Variants in SDC1 observed in about 807,000 individuals in gnomAD.
SDC1 encodes the protein syndecan-1.
Under a neutral mutation model 29.7 loss-of-function variants are expected in SDC1, and 14 were observed. The ratio of observed to expected loss-of-function variants is 0.47; its 90% confidence interval spans 0.31 to 0.74. The LOEUF is 0.74. SDC1 is among the 30% of genes least tolerant of loss of function. The pLI, the probability that SDC1 is intolerant of heterozygous loss-of-function variation, is 0.05. For synonymous variants in SDC1, 204 were observed against 175.5 expected (o/e 1.16, Z -1.29); for missense variants, 406 against 400.3 (o/e 1.01, Z -0.12).
chr2:20,203,509 G>A lies in SDC1; in HGVS notation c.628-287C>T, dbSNP rs534096328. Among the ~76,000 whole-genome samples the A allele has an allele frequency of 3.3e-5, 5 of 152,228 alleles. No individual in the cohort carries two copies. The East Asian group carries it at 5.8e-4, about 18-fold the overall frequency. On this transcript the variant is annotated intron_variant, in intron 3 of 4. Coordinates refer to ENST00000254351, the MANE Select transcript of SDC1 (RefSeq NM_002997.5). ...TTAGTGTAAAGCGTAAAATTCCCAC[G>A]AAGCTATAAAATAAAAAATTGGACT... is the stretch of plus-strand genomic sequence containing the variant.
intron 1 of SDC1, among the ~76,000 whole-genome samples, chr2:20,211,768 G>A (rs1677474555): frequency 6.6e-6 from 1 of 152,276 alleles, no homozygotes; most frequent in East Asian, 1.9e-4. Context: ...GGAGGGCACG[G>A]GAGAAAAAGC....
At chr2:20,207,469 C>A (rs1187396411) in intron 1 of SDC1, 55 of 860,268 alleles carry the variant, frequency 6.4e-5, no homozygotes, top group Non-Finnish European at 7.1e-5. Flanking sequence ...GTAATCCCAG[C>A]ACTTTGGGAG....
chr2:20,213,416 A>C (rs1456676623), intron 1 of SDC1, among the ~76,000 whole-genome samples: 1 of 151,988 alleles, frequency 6.6e-6, no homozygotes, highest in Non-Finnish European at 1.5e-5. Flanking sequence ...GTCTCCCAAG[A>C]CTCGCCAAAC....
chr2:20,202,937 T>A lies in SDC1; in HGVS notation c.764-2A>T, dbSNP rs1247060704. The A allele has an allele frequency of 6.2e-7, 1 of 1,604,372 alleles. No individual in the cohort carries two copies. Among genetic ancestry groups the A allele is most frequent in the Non-Finnish European group, 8.5e-7 (1 of 1,173,874 alleles). ...CCACGAGGCCTCCGGCAATGACCCCTAGGGCAGGTAGACGGGGCCAGCTCA... is the reference window on the plus strand; with the variant it reads ...CCACGAGGCCTCCGGCAATGACCCCAAGGGCAGGTAGACGGGGCCAGCTCA... On this transcript the variant is annotated splice_acceptor_variant, in intron 4 of 4. Coordinates refer to ENST00000254351, the MANE Select transcript of SDC1 (RefSeq NM_002997.5). LOFTEE classifies it high-confidence loss of function.
chr2:20,213,121 C>T (rs961681303), intron 1 of SDC1, among the ~76,000 whole-genome samples: 1 of 152,118 alleles, frequency 6.6e-6, no homozygotes. Context: ...GATGCCCAAG[C>T]CAAGCCAGTG....
intron 1 of SDC1, among the ~76,000 whole-genome samples, chr2:20,218,689 G>A (rs1199369955): frequency 7.0e-6 from 1 of 143,844 alleles, no homozygotes; most frequent in Admixed American, 7.0e-5. Flanking sequence ...ACACACGGAC[G>A]CACACAAACA....
At chr2:20,212,182 G>T (rs886265310) in intron 1 of SDC1, among the ~76,000 whole-genome samples, 1 of 152,232 alleles carries the variant, frequency 6.6e-6, no homozygotes, top group Non-Finnish European at 1.5e-5. Context: ...CCTCCTCAGG[G>T]ACCCACAGCA....
rs1384806068 is a variant in SDC1, at chr2:20,202,585, C to T, written c.*181G>A. The T allele has an allele frequency of 6.1e-6, 4 of 656,698 alleles. No homozygotes were observed. The highest frequency in any genetic ancestry group is 1.1e-5 in the Non-Finnish European group (4 of 375,586). 40.7% of individuals were successfully genotyped at this position (656,698 alleles called of 1,614,324 possible). A position where few individuals can be genotyped will look rare whatever the true frequency, so the allele number is the denominator to read the frequency against. ...GTGCCCTAAGTCTCCAGGCAGAAGT[C>T]AGAGAAGCAGAGTGGAGCTCCCAGC... On this transcript the variant is annotated 3_prime_UTR_variant, in exon 5 of 5. Transcript: ENST00000254351.
At chr2:20,209,883 G>C (rs144992153) in intron 1 of SDC1, among the ~76,000 whole-genome samples, 2 of 152,354 alleles carry the variant, frequency 1.3e-5, no homozygotes, top group East Asian at 3.9e-4. Context: ...GGTTCGACGG[G>C]GGGCAGCGGG....
rs78187584 is a variant in SDC1 at position 20,219,115 on chromosome 2, C to T, written c.66+5687G>A. Among the ~76,000 whole-genome samples, 934 of 152,262 alleles carry T rather than the reference C, an allele frequency of 6.1e-3. 6 individuals are homozygous for T. Among genetic ancestry groups the T allele is most frequent in the African/African-American group, 0.021 (860 of 41,528 alleles). On this transcript the variant is annotated intron_variant, in intron 1 of 4. Transcript: ENST00000254351. The stretch of plus-strand genomic sequence containing the variant: ...GCCGCCGCCTGTTCTGCTCTCCTGA[C>T]TCAATGGCCCCAAGACCCAAGATTT...
chr2:20,206,482 C>T (rs1677276541), intron 1 of SDC1, among the ~76,000 whole-genome samples: 1 of 152,108 alleles, frequency 6.6e-6, no homozygotes, highest in African/African-American at 2.4e-5. Flanking sequence ...TCACACTGGC[C>T]CCAAGACCTC....
At position 20,224,794 on chromosome 2, in the gene SDC1, G is replaced by T; in HGVS notation, c.66+8C>A. The T allele has an allele frequency of 2.3e-6, 3 of 1,304,856 alleles. No individual in the cohort carries two copies. The allele number at this position is 1,304,856 out of a possible 1,614,324, so 80.8% of individuals were successfully genotyped here. A position where few individuals can be genotyped will look rare whatever the true frequency, so the allele number is the denominator to read the frequency against. On this transcript the variant is annotated splice_region_variant and intron_variant, in intron 1 of 4. Transcript: ENST00000254351. The surrounding 1 kb of genome is among the most constrained non-coding windows in gnomAD (Gnocchi z 4.9). ...CCGCCTCCCCGCCTGGCCGCCGGCC[G>T]CACTCACCGGCAGGGCCGGCTGCAG...
In SDC1 at chr2:20,203,236, G is replaced by A. The variant is rs773919029; in HGVS notation, c.628-14C>T. On this transcript the variant is annotated splice_polypyrimidine_tract_variant and intron_variant, in intron 3 of 4. Coordinates refer to ENST00000254351, the MANE Select transcript of SDC1 (RefSeq NM_002997.5). ...AAAGGTGAAGTCCTGTGGGAGGGCA[G>A]GGGCAGATTGGGTTGGCCAGGTCAC... The A allele has an allele frequency of 6.3e-7, 1 of 1,591,776 alleles. No homozygotes were observed. Among genetic ancestry groups the A allele is most frequent in the Admixed American group, 1.7e-5 (1 of 59,028 alleles).
rs779166822 is a variant in SDC1 at position 20,202,253 on chromosome 2, C to T, written c.*513G>A. On this transcript the variant is annotated 3_prime_UTR_variant, in exon 5 of 5. Transcript: ENST00000254351. ...AACAAAGAACTAGAGGAAACATGTGCAAAAACAAGTCGATATCTAGATTAG... is the reference window on the plus strand; with the variant it reads ...AACAAAGAACTAGAGGAAACATGTGTAAAAACAAGTCGATATCTAGATTAG... 2.8e-5 allele frequency: 22 copies of T among 778,700 alleles called. No individual in the cohort carries two copies. In the Admixed American group the frequency reaches 3.7e-4, roughly 13 times the overall value. 48.2% of individuals were successfully genotyped at this position (778,700 alleles called of 1,614,324 possible). A position where few individuals can be genotyped will look rare whatever the true frequency, so the allele number is the denominator to read the frequency against.
In SDC1 at chr2:20,201,143, G is replaced by A. The variant is rs545540174; in HGVS notation, c.*1623C>T. On this transcript the variant is annotated 3_prime_UTR_variant, in exon 5 of 5. Transcript: ENST00000254351. ...GGAGGAGGATGTCCAAGGTGTCTGC[G>A]GGGTAGGCCTCGGCTCCACACCTCC... 4.6e-5 allele frequency: 7 copies of A among 152,286 alleles called. No homozygotes were observed. Among genetic ancestry groups the A allele is most frequent in the African/African-American group, 7.2e-5 (3 of 41,452 alleles). The allele number at this position is 152,286 out of a possible 1,614,324, so 9.4% of individuals were successfully genotyped here. A position where few individuals can be genotyped will look rare whatever the true frequency, so the allele number is the denominator to read the frequency against.
intron 2 of SDC1, among the ~76,000 whole-genome samples, chr2:20,205,109 C>A (rs1677214459): frequency 1.3e-5 from 2 of 152,226 alleles, no homozygotes; most frequent in South Asian, 2.1e-4. Context: ...GGCCCTGGGG[C>A]CTTCTGGAGC....
intron 1 of SDC1, among the ~76,000 whole-genome samples, chr2:20,211,009 A>G (rs1303066210): frequency 1.3e-5 from 2 of 152,132 alleles, no homozygotes; most frequent in Non-Finnish European, 2.9e-5. Context: ...CCCCTCCCCT[A>G]GACTTCAGGA....
chr2:20,202,953 G>A lies in SDC1; in HGVS notation c.764-18C>T. 1 of 1,596,394 alleles carries A rather than the reference G, an allele frequency of 6.3e-7. No individual in the cohort carries two copies. The stretch of plus-strand genomic sequence containing the variant: ...AATGACCCCTAGGGCAGGTAGACGG[G>A]GCCAGCTCAGCTCAGCGGCTCCTTG... On this transcript the variant is annotated intron_variant, in intron 4 of 4. Coordinates refer to ENST00000254351, the MANE Select transcript of SDC1 (RefSeq NM_002997.5).
At chr2:20,211,692 G>A (rs3771246) in intron 1 of SDC1, among the ~76,000 whole-genome samples, 44,558 of 152,242 alleles carry the variant, frequency 0.29, 6,877 homozygotes, top group Middle Eastern at 0.38. Context: ...CTCCGGGGAC[G>A]AAGGCTGGGC....
Sources: gnomAD v4.1 joint callset for allele counts (sites outside exome capture counted in the v4.1 genomes callset) on GRCh38, gnomAD v4.1.1 for gene constraint, Gnocchi (gnomAD v3.1) non-coding constraint, MANE v1.5 for transcripts, NCBI Gene and HGNC (gene_info 2026-07-23, HGNC 2026-07-21) for gene names.